The following WDR12 variants were observed in gnomAD, a reference collection of about 807,000 sequenced individuals.
WDR12 encodes the protein ribosome biogenesis protein WDR12.
A neutral mutation model predicts 64.3 loss-of-function variants in WDR12; 42 were observed. That is an observed-to-expected ratio of 0.65 (90% CI 0.51 to 0.84). The LOEUF (loss-of-function observed/expected upper bound fraction) is 0.84, where lower values mean the gene tolerates loss of function less well. Among genes scored for constraint, WDR12 ranks in the 40% least tolerant of loss-of-function variants. The pLI, the probability that WDR12 is intolerant of heterozygous loss-of-function variation, is 0.00. For synonymous variants in WDR12, 158 were observed against 173.3 expected (o/e 0.91, Z 0.70); for missense variants, 469 against 494.6 (o/e 0.95, Z 0.49).
rs1271012708 is a variant in WDR12, at chr2:202,884,273, A to G, written c.913T>C (p.Tyr305His). ...TGNKVFNCISYSPLCKRLASG... is the reference protein window; with the variant it reads ...TGNKVFNCISHSPLCKRLASG... ...GCTAAACGTTTACAAAGTGGAGAAT[A>G]GGAAATACAATTAAACACTTTATTT... Residue 305 changes from tyrosine to histidine, a missense_variant, in exon 10 of 13, where the codon TAT (tyrosine) becomes CAT (histidine). By Grantham distance (83) the Tyr-to-His change is moderately conservative. Transcript: ENST00000261015. The G allele has an allele frequency of 6.2e-7, 1 of 1,614,130 alleles. No individual in the cohort carries two copies. Among genetic ancestry groups the G allele is most frequent in the East Asian group, 2.2e-5 (1 of 44,880 alleles).
rs1056248258 is a variant in WDR12, at chr2:202,879,526, T to C, written c.*1334A>G. The C allele has an allele frequency of 6.6e-6, 1 of 152,126 alleles. No individual in the cohort carries two copies. The highest frequency in any genetic ancestry group is 2.4e-5 in the African/African-American group (1 of 41,396). The allele number at this position is 152,126 out of a possible 1,614,324, so 9.4% of individuals were successfully genotyped here. ...ACCTCCACCTCCTGGGTTCAACCAA[T>C]TCTCCTGCCTCAGCCTCCCAAGTAC... On this transcript the variant is annotated 3_prime_UTR_variant, in exon 13 of 13. Transcript: ENST00000261015.
intron 8 of WDR12, among the ~76,000 whole-genome samples, chr2:202,887,504 A>T (rs1396308833): frequency 2.0e-5 from 3 of 152,200 alleles, no homozygotes; most frequent in African/African-American, 7.2e-5. Context: ...AAGGAACCTG[A>T]TAGAGGAGTG....
At position 202,879,387 on chromosome 2, in the gene WDR12, A is replaced by C. The variant is rs1051834678; in HGVS notation, c.*1473T>G. On this transcript the variant is annotated 3_prime_UTR_variant, in exon 13 of 13. Coordinates refer to ENST00000261015, the MANE Select transcript of WDR12 (RefSeq NM_018256.4). ...ATATTTAATATAAAGTGCCTTCCTT[A>C]AAATATCTTGATGAATTCTTCAAAA... 1 of 151,756 alleles carries C rather than the reference A, an allele frequency of 6.6e-6. No individual in the cohort carries two copies. The highest frequency in any genetic ancestry group is 1.9e-4 in the East Asian group (1 of 5,134). The allele number at this position is 151,756 out of a possible 1,614,324, so 9.4% of individuals were successfully genotyped here.
chr2:202,880,681 A>G lies in WDR12; in HGVS notation c.*179T>C. On this transcript the variant is annotated 3_prime_UTR_variant, in exon 13 of 13. Transcript: ENST00000261015. Reference sequence around the variant, plus strand: ...ATGCCACAGTTTGTATTTTATAAACACAACCTATCTTATTATAAATACAAA... The same window carrying G: ...ATGCCACAGTTTGTATTTTATAAACGCAACCTATCTTATTATAAATACAAA... 1 of 393,896 alleles carries G rather than the reference A, an allele frequency of 2.5e-6. No homozygotes were observed. The highest frequency in any genetic ancestry group is 4.5e-6 in the Non-Finnish European group (1 of 220,684). 24.4% of individuals were successfully genotyped at this position (393,896 alleles called of 1,614,324 possible). A position where few individuals can be genotyped will look rare whatever the true frequency, so the allele number is the denominator to read the frequency against.
At chr2:202,899,178 G>A (rs974695833) in intron 4 of WDR12, among the ~76,000 whole-genome samples, 5 of 151,374 alleles carry the variant, frequency 3.3e-5, no homozygotes, top group Non-Finnish European at 5.9e-5. Flanking sequence ...AAGTAGCGGG[G>A]ACTACAGGCG....
Position 202,878,432 on chromosome 2 carries a change from C to T in WDR12, c.*2428G>A, listed in dbSNP as rs1463205534. On this transcript the variant is annotated 3_prime_UTR_variant, in exon 13 of 13. Coordinates refer to ENST00000261015, the MANE Select transcript of WDR12 (RefSeq NM_018256.4). ...ACAATAAAATTTATACCAATCAGCA[C>T]AAAATGAGAAAAAGAAGGATTCTGT... The T allele has an allele frequency of 1.3e-5, 2 of 152,120 alleles. No homozygotes were observed. Among genetic ancestry groups the T allele is most frequent in the Middle Eastern group, 6.3e-3 (2 of 316 alleles). 9.4% of individuals were successfully genotyped at this position (152,120 alleles called of 1,614,324 possible).
At chr2:202,895,467 A>G (rs548010632) in intron 6 of WDR12, among the ~76,000 whole-genome samples, 1 of 151,348 alleles carries the variant, frequency 6.6e-6, no homozygotes, top group Non-Finnish European at 1.5e-5. Flanking sequence ...GTCAATTACT[A>G]TGAGGTAAGA....
intron 10 of WDR12, 181 bp downstream of exon 10, chr2:202,884,017 T>C (rs1688001773): frequency 1.3e-5 from 9 of 667,200 alleles, no homozygotes; most frequent in Non-Finnish European, 2.3e-5. Flanking sequence ...TTCTCTATGT[T>C]GGCCAGGCTG....
intron 4 of WDR12, among the ~76,000 whole-genome samples, chr2:202,897,908 A>AAAATATATATATATAT (rs1466552102): frequency 5.0e-5 from 2 of 40,048 alleles, no homozygotes; most frequent in Non-Finnish European, 9.9e-5. Flanking sequence ...AAAAAAAAAA[A>AAAATATATATATATAT]ATATATATAT....
chr2:202,875,259 T>C lies in WDR12; in HGVS notation c.*5601A>G, dbSNP rs894925855. On this transcript the variant is annotated 3_prime_UTR_variant, in exon 13 of 13. Coordinates refer to ENST00000261015, the MANE Select transcript of WDR12 (RefSeq NM_018256.4). ...ACAGAAATTGATCTTTATACATTTA[T>C]ATACTATTACAGTAATACGTTTAGT... The C allele has an allele frequency of 6.6e-6, 1 of 152,162 alleles. No homozygotes were observed. The highest frequency in any genetic ancestry group is 2.4e-5 in the African/African-American group (1 of 41,432). 9.4% of individuals were successfully genotyped at this position (152,162 alleles called of 1,614,324 possible).
chr2:202,911,360 G>T, intron 1 of WDR12, 76 bp downstream of exon 1: 4 of 1,420,356 alleles, frequency 2.8e-6, no homozygotes, highest in Non-Finnish European at 4.0e-6. Context: ...AACAACCAGG[G>T]ATCCACAAGG....
chr2:202,906,524 TAG>T (rs1245891153), intron 2 of WDR12, among the ~76,000 whole-genome samples: 2 of 152,228 alleles, frequency 1.3e-5, no homozygotes, highest in African/African-American at 4.8e-5. Flanking sequence ...CCAACTACGG[TAG>T]AGTCAGAAGA....
rs550558671 is a variant in WDR12, at chr2:202,903,138, T to C, written c.137-2019A>G. ...ATATATACATCTATTCTATTAGTCCTGTCCCTCTAAAGAACCCTAATATAT... is the reference window on the plus strand; with the variant it reads ...ATATATACATCTATTCTATTAGTCCCGTCCCTCTAAAGAACCCTAATATAT... On this transcript the variant is annotated intron_variant, in intron 2 of 12. Transcript: ENST00000261015. Among the ~76,000 whole-genome samples the C allele has an allele frequency of 3.9e-5, 6 of 152,258 alleles. No homozygotes were observed. In the East Asian group the frequency reaches 1.2e-3, roughly 29 times the overall value.
chr2:202,910,229 C>T (rs921231395), intron 1 of WDR12, among the ~76,000 whole-genome samples: 4 of 152,098 alleles, frequency 2.6e-5, no homozygotes, highest in Non-Finnish European at 5.9e-5. Context: ...TGTGAATCAA[C>T]AATTATCTCA....
intron 7 of WDR12, among the ~76,000 whole-genome samples, chr2:202,893,484 CA>C (rs1465227486): frequency 6.6e-6 from 1 of 151,998 alleles, no homozygotes; most frequent in Non-Finnish European, 1.5e-5. Flanking sequence ...TTTTTGCCAC[CA>C]AATTATTTGC....
chr2:202,884,623 A>G, intron 8 of WDR12, 88 bp from the exon 9 acceptor site: 5 of 1,381,774 alleles, frequency 3.6e-6, no homozygotes, highest in Non-Finnish European at 4.8e-6. Context: ...CAAAGCCCAC[A>G]TGACAGAGAC....
chr2:202,881,007 T>A, intron 12 of WDR12, 70 bp from the exon 13 acceptor site: 1 of 1,302,358 alleles, frequency 7.7e-7, no homozygotes, highest in Non-Finnish European at 1.0e-6. Flanking sequence ...TAGCTAAACC[T>A]AATTAAATAC....
intron 4 of WDR12, 64 bp from the exon 5 acceptor site, chr2:202,897,479 T>C (rs1688268638): frequency 1.2e-6 from 1 of 868,420 alleles, no homozygotes; most frequent in Admixed American, 2.8e-5. Flanking sequence ...AAATGTTTCT[T>C]TGGCAATGAC....
chr2:202,908,359 G>A (rs1404677863), intron 1 of WDR12, among the ~76,000 whole-genome samples: 3 of 152,214 alleles, frequency 2.0e-5, no homozygotes, highest in Non-Finnish European at 4.4e-5. Flanking sequence ...GGAGGCTGAG[G>A]TGGGAGGACT....
Sources: allele counts gnomAD v4.1 joint callset (sites outside exome capture counted in the v4.1 genomes callset), GRCh38; gene constraint gnomAD v4.1.1; transcripts MANE v1.5; gene names NCBI Gene and HGNC (gene_info 2026-07-23, HGNC 2026-07-21).